Variants in SUN3 observed in about 807,000 individuals in gnomAD.
SUN3 encodes Sad1 and UNC84 domain containing 3, also known as SUN domain-containing protein 3.
SUN3 carries 36 observed loss-of-function variants against 48.2 expected under a neutral mutation model. The observed-to-expected ratio is 0.75, with a 90% CI of 0.57 to 0.99. The LOEUF is 0.99. Ranked by LOEUF, SUN3 falls within the 50% of genes least tolerant of loss-of-function variation. SUN3 has a pLI of 0.00. For missense variants in SUN3, 419 were observed against 433.1 expected, an observed-to-expected ratio of 0.97 and a Z score of 0.29; for synonymous variants, 148 against 147.9, an observed-to-expected ratio of 1.00 and a Z score of 0.00.
chr7:48,007,021 A>T, intron 5 of SUN3, 144 bp downstream of exon 5: 1 of 757,592 alleles, frequency 1.3e-6, no homozygotes, highest in Non-Finnish European at 2.0e-6. Context: ...TCTGTACACA[A>T]ACCAAATATC....
At chr7:48,015,556 G>T (rs1313515604) in intron 3 of SUN3, among the ~76,000 whole-genome samples, 1 of 152,038 alleles carries the variant, frequency 6.6e-6, no homozygotes, top group Non-Finnish European at 1.5e-5. Flanking sequence ...CAGAGGCCCT[G>T]AGCAAAAAGG....
At position 47,994,309 on chromosome 7, in the gene SUN3, T is replaced by G; in HGVS notation, c.861+6A>C. ...ATCTGAATGACAAATTTAGATAGCT[T>G]CTTACATAGACAGAAAATTCCTTGG... On this transcript the variant is annotated splice_donor_region_variant and intron_variant, in intron 8 of 9. Transcript: ENST00000297325. 1 of 1,612,880 alleles carries G rather than the reference T, an allele frequency of 6.2e-7. No individual in the cohort carries two copies. Among genetic ancestry groups the G allele is most frequent in the Non-Finnish European group, 8.5e-7 (1 of 1,179,670 alleles).
At chr7:48,011,806 A>T (rs1234531898) in intron 3 of SUN3, among the ~76,000 whole-genome samples, 1 of 152,236 alleles carries the variant, frequency 6.6e-6, no homozygotes, top group East Asian at 1.9e-4. Context: ...TAAGTAAGGA[A>T]GTGAAAGTGA....
At chr7:48,033,371 G>A (rs1790276734), upstream of SUN3, among the ~76,000 whole-genome samples, 2 of 150,976 alleles carry the variant, frequency 1.3e-5, no homozygotes, top group East Asian at 1.9e-4. Context: ...GACCAGCCTG[G>A]GCAACATAGC....
chr7:48,030,060 T>C (rs550694215), upstream of SUN3, among the ~76,000 whole-genome samples: 3 of 152,328 alleles, frequency 2.0e-5, no homozygotes, highest in South Asian at 2.1e-4. Context: ...TTTTCAGCCA[T>C]CAGGGCTTCA....
At chr7:48,035,389 G>C in the SUN3 span, 1 of 617,706 alleles carries the variant, frequency 1.6e-6, no homozygotes, top group South Asian at 1.8e-5. This position sits in a 1 kb window ranked among gnomAD's most constrained non-coding sequence, Gnocchi z 4.0. Flanking sequence ...TTGACAGGCG[G>C]CGCCCGCGCT....
Position 48,009,069 on chromosome 7 carries a change from G to T in SUN3, c.295C>A (p.Leu99Ile). The T allele has an allele frequency of 1.2e-6, 2 of 1,612,098 alleles. No individual in the cohort carries two copies. Among genetic ancestry groups the T allele is most frequent in the Non-Finnish European group, 1.7e-6 (2 of 1,179,382 alleles). ...GSRLYKYQAR[L>I]RMPKEQLELL... is the part of the protein sequence containing the mutation. ...TCCAGTTGCTCTTTAGGCATACGAA[G>T]TCTGGCCTGAAAACAACAGAAAAAG... The change falls in exon 4 of 10, where the codon CTT (leucine) becomes ATT (isoleucine). Residue 99 changes from leucine (L) to isoleucine (I), a missense_variant. By Grantham distance (5) the Leu-to-Ile change is conservative (BLOSUM62 2). Transcript: ENST00000297325.
At chr7:47,995,849 C>T (rs13230023) in intron 7 of SUN3, among the ~76,000 whole-genome samples, 182 bp downstream of exon 7, 50,294 of 151,954 alleles carry the variant, frequency 0.33, 9,250 homozygotes, top group Middle Eastern at 0.51. Context: ...AGTTTACTGA[C>T]CATAAAATAA....
At chr7:48,035,320 C>G in the SUN3 span, among the ~76,000 whole-genome samples, 10 of 152,194 alleles carry the variant, frequency 6.6e-5, no homozygotes, top group Non-Finnish European at 8.8e-5. The surrounding 1 kb of genome is among the most constrained non-coding windows in gnomAD (Gnocchi z 4.0). Flanking sequence ...GCGTCCCGCC[C>G]GGTTCCCCGT....
At chr7:47,999,695 C>T (rs1249766067) in intron 6 of SUN3, among the ~76,000 whole-genome samples, 1 of 152,180 alleles carries the variant, frequency 6.6e-6, no homozygotes, top group African/African-American at 2.4e-5. Flanking sequence ...CGCCACCGCG[C>T]CTGGCTGTTT....
intron 1 of SUN3, among the ~76,000 whole-genome samples, chr7:48,027,013 T>C (rs1734091096): frequency 6.6e-6 from 1 of 152,160 alleles, no homozygotes; most frequent in African/African-American, 2.4e-5. Flanking sequence ...ACCTCCCACC[T>C]CCAAAGGTAC....
At chr7:48,019,977 C>CAAA (rs869166401) in intron 2 of SUN3, among the ~76,000 whole-genome samples, 751 of 63,420 alleles carry the variant, frequency 0.012, no homozygotes, top group East Asian at 0.023. Context: ...AAAGACACAT[C>CAAA]AAAAAAAAAA....
At position 48,005,858 on chromosome 7, in the gene SUN3, C is replaced by A. The variant is rs1408921008; in HGVS notation, c.577+111G>T. The A allele has an allele frequency of 9.1e-6, 5 of 549,578 alleles. No individual in the cohort carries two copies. In the Admixed American group the frequency reaches 1.1e-4, roughly 12 times the overall value. The allele number at this position is 549,578 out of a possible 1,614,324, so 34.0% of individuals were successfully genotyped here. ...ATCTAAATTGATTAATTTCCCCCCC[C>A]CAAGTTACCAGATAAATATGTTTTC... is the stretch of plus-strand genomic sequence containing the variant. On this transcript the variant is annotated intron_variant, in intron 6 of 9. Coordinates refer to ENST00000297325, the MANE Select transcript of SUN3 (RefSeq NM_001030019.2).
rs748007068 is a variant in SUN3 at position 48,006,065 on chromosome 7, T to G, written c.493-12A>C. The G allele has an allele frequency of 6.5e-7, 1 of 1,534,756 alleles. No individual in the cohort carries two copies. Among genetic ancestry groups the G allele is most frequent in the Admixed American group, 1.8e-5 (1 of 55,058 alleles). On this transcript the variant is annotated splice_polypyrimidine_tract_variant and intron_variant, in intron 5 of 9. Coordinates refer to ENST00000297325, the MANE Select transcript of SUN3 (RefSeq NM_001030019.2). Reference sequence around the variant, plus strand: ...AAGTTTGACACTTCCTGTAGAAATTTTATAAACAGTTTTCTGTTAACAATC... The same window carrying G: ...AAGTTTGACACTTCCTGTAGAAATTGTATAAACAGTTTTCTGTTAACAATC...
At chr7:48,027,552 C>A (rs912730303) in intron 1 of SUN3, among the ~76,000 whole-genome samples, 1 of 152,058 alleles carries the variant, frequency 6.6e-6, no homozygotes, top group Non-Finnish European at 1.5e-5. Flanking sequence ...TATAAACTTC[C>A]GGATAAAGTA....
chr7:47,999,458 G>A (rs987366747), intron 6 of SUN3, among the ~76,000 whole-genome samples: 6 of 151,498 alleles, frequency 4.0e-5, no homozygotes, highest in Non-Finnish European at 7.4e-5. Flanking sequence ...TCTGCCTTTC[G>A]TACTCTCTTT....
At chr7:48,025,480 G>A (rs1790109553) in intron 2 of SUN3, among the ~76,000 whole-genome samples, 1 of 152,210 alleles carries the variant, frequency 6.6e-6, no homozygotes, top group Admixed American at 6.5e-5. Flanking sequence ...ACATTCTGCA[G>A]TAATTTATTT....
intron 8 of SUN3, among the ~76,000 whole-genome samples, chr7:47,989,785 G>A (rs1393027167): frequency 1.3e-5 from 2 of 152,178 alleles, no homozygotes; most frequent in East Asian, 1.9e-4. Context: ...ACCTTGAGAT[G>A]CTGTTAATTT....
chr7:48,001,263 A>G (rs760292248), intron 6 of SUN3, among the ~76,000 whole-genome samples: 1 of 151,956 alleles, frequency 6.6e-6, no homozygotes, highest in Non-Finnish European at 1.5e-5. Context: ...AATAGGCCCC[A>G]GTGTGTGTTG....
Sources: gnomAD v4.1 joint callset for allele counts (sites outside exome capture counted in the v4.1 genomes callset) on GRCh38, gnomAD v4.1.1 for gene constraint, Gnocchi (gnomAD v3.1) non-coding constraint, MANE v1.5 for transcripts, NCBI Gene and HGNC (gene_info 2026-07-23, HGNC 2026-07-21) for gene names.